Variants in IKZF2 observed in about 807,000 individuals in gnomAD.
IKZF2 encodes the protein IKAROS family zinc finger 2, also known as zinc finger protein Helios.
In IKZF2, 15 loss-of-function variants were observed where a neutral mutation model predicts 49.2. That is an observed-to-expected ratio of 0.30 (90% CI 0.20 to 0.47). The LOEUF is 0.47. IKZF2 is among the 20% of genes least tolerant of loss of function. The pLI, the probability that IKZF2 is intolerant of heterozygous loss-of-function variation, is 1.00. For missense variants in IKZF2, 567 were observed against 664.6 expected, an observed-to-expected ratio of 0.85 and a Z score of 1.61; for synonymous variants, 227 against 221.4, an observed-to-expected ratio of 1.03 and a Z score of -0.23.
intron 4 of IKZF2, among the ~76,000 whole-genome samples, chr2:213,101,724 T>G (rs1318631957): frequency 6.6e-6 from 1 of 152,186 alleles, no homozygotes; most frequent in African/African-American, 2.4e-5. Flanking sequence ...GTATTTTTAA[T>G]CAGTCTCTGT....
chr2:213,041,340 G>T (rs13411519), intron 6 of IKZF2, among the ~76,000 whole-genome samples: 7,159 of 94,880 alleles, frequency 0.075, 477 homozygotes, highest in African/African-American at 0.2. Flanking sequence ...ATCTTTTTTT[G>T]GGGGGGGTGG....
chr2:213,125,365 A>G (rs770508252), intron 4 of IKZF2, among the ~76,000 whole-genome samples: 3 of 152,188 alleles, frequency 2.0e-5, no homozygotes, highest in Non-Finnish European at 4.4e-5. Context: ...TTCTTCAGGA[A>G]CAAAAATTAA....
At chr2:213,141,811 C>G (rs1488613947) in intron 4 of IKZF2, among the ~76,000 whole-genome samples, 1 of 151,894 alleles carries the variant, frequency 6.6e-6, no homozygotes, top group Non-Finnish European at 1.5e-5. Flanking sequence ...TTTGGATTCA[C>G]CTTACAATAC....
At chr2:213,137,363 A>G (rs960331578) in intron 4 of IKZF2, among the ~76,000 whole-genome samples, 6 of 152,106 alleles carry the variant, frequency 3.9e-5, no homozygotes, top group Non-Finnish European at 8.8e-5. Flanking sequence ...ATTTCCAAAT[A>G]CTACATTCGA....
chr2:213,054,733 A>G (rs1317149511), intron 5 of IKZF2, among the ~76,000 whole-genome samples: 2 of 152,178 alleles, frequency 1.3e-5, no homozygotes, highest in African/African-American at 2.4e-5. Context: ...AAAAAAAGAT[A>G]GTGTTGCAAG....
chr2:213,122,362 T>C (rs190871554), intron 4 of IKZF2, among the ~76,000 whole-genome samples: 241 of 152,344 alleles, frequency 1.6e-3, no homozygotes, highest in Middle Eastern at 6.8e-3. Context: ...CAGTATTTCC[T>C]AAACTTGCCT....
In IKZF2 at chr2:213,053,598, CA is replaced by C. The variant is rs546454428; in HGVS notation, c.406+3234del. Among the ~76,000 whole-genome samples the C allele has an allele frequency of 3.3e-5, 5 of 152,194 alleles. No homozygotes were observed. The South Asian group carries it at 1.0e-3, about 32-fold the overall frequency. On this transcript the variant is annotated intron_variant, in intron 5 of 8. Coordinates refer to ENST00000434687, the MANE Select transcript of IKZF2 (RefSeq NM_001387220.1). ...GATGGCTGCACAAAGCTGCAATGTA[CA>C]AAATACGGTGCTGAAAACTGAGTTA...
At chr2:213,023,839 C>T (rs1308930462) in intron 6 of IKZF2, among the ~76,000 whole-genome samples, 1 of 152,136 alleles carries the variant, frequency 6.6e-6, no homozygotes, top group Non-Finnish European at 1.5e-5. Context: ...GTATTAGTCC[C>T]ATCACATTAT....
intron 6 of IKZF2, among the ~76,000 whole-genome samples, chr2:213,048,886 A>C (rs978973321): frequency 6.6e-6 from 1 of 152,028 alleles, no homozygotes; most frequent in African/African-American, 2.4e-5. Context: ...TCATATCTTC[A>C]TATTAAAATT....
At chr2:213,105,528 A>C (rs937837549) in intron 4 of IKZF2, among the ~76,000 whole-genome samples, 11 of 149,240 alleles carry the variant, frequency 7.4e-5, no homozygotes, top group Admixed American at 1.3e-4. Flanking sequence ...AAACATTCCC[A>C]AAAAGCTTGA....
At chr2:213,141,222 A>G (rs549406927) in intron 4 of IKZF2, among the ~76,000 whole-genome samples, 1 of 151,838 alleles carries the variant, frequency 6.6e-6, no homozygotes, top group Non-Finnish European at 1.5e-5. Context: ...TTTTTATCCC[A>G]CTACTGCTAG....
intron 6 of IKZF2, among the ~76,000 whole-genome samples, chr2:213,038,175 C>A (rs1336656596): frequency 3.3e-5 from 5 of 151,316 alleles, no homozygotes; most frequent in Non-Finnish European, 7.4e-5. Context: ...GTTCTCCTGC[C>A]TCAGCCTCCC....
chr2:213,050,526 T>C (rs570172053), intron 5 of IKZF2, among the ~76,000 whole-genome samples: 1 of 152,320 alleles, frequency 6.6e-6, no homozygotes, highest in East Asian at 1.9e-4. Flanking sequence ...AGTACAAGAT[T>C]TTCAAATACG....
rs1053600620 is a variant in IKZF2, at chr2:213,000,684, A to T, written c.*6676T>A. 6.1e-4 allele frequency: 29 copies of T among 47,362 alleles called. No individual in the cohort carries two copies. Among genetic ancestry groups the T allele is most frequent in the South Asian group, 2.8e-3 (3 of 1,086 alleles). The allele number at this position is 47,362 out of a possible 1,614,324, so 2.9% of individuals were successfully genotyped here. ...AAACAGGACTGCTCCAAATATTTTTAAAAAAAATTTCTCCAATAGGTGATA... is the reference window on the plus strand; with the variant it reads ...AAACAGGACTGCTCCAAATATTTTTTAAAAAAATTTCTCCAATAGGTGATA... On this transcript the variant is annotated 3_prime_UTR_variant, in exon 9 of 9. Coordinates refer to ENST00000434687, the MANE Select transcript of IKZF2 (RefSeq NM_001387220.1).
intron 4 of IKZF2, among the ~76,000 whole-genome samples, chr2:213,100,640 T>C (rs1469321875): frequency 2.0e-5 from 3 of 152,044 alleles, no homozygotes; most frequent in African/African-American, 7.2e-5. Context: ...AAATAAACTA[T>C]GAAAAACAAC....
intron 4 of IKZF2, among the ~76,000 whole-genome samples, chr2:213,118,260 T>C (rs1441599767): frequency 3.9e-5 from 6 of 152,216 alleles, no homozygotes; most frequent in African/African-American, 7.2e-5. Context: ...TGTGGTTTTA[T>C]AGGGGCTTTA....
At chr2:213,034,345 GCTGTTTGGCACAGGAGGCCTAT>G in intron 6 of IKZF2, among the ~76,000 whole-genome samples, 1 of 152,196 alleles carries the variant, frequency 6.6e-6, no homozygotes, top group Non-Finnish European at 1.5e-5. Flanking sequence ...TCACAATGTG[GCTGTTTGGCACAGGAGGCCTAT>G]CTTTTGGCAT....
At chr2:213,067,339 T>C (rs1702255160) in intron 4 of IKZF2, among the ~76,000 whole-genome samples, 1 of 151,950 alleles carries the variant, frequency 6.6e-6, no homozygotes, top group East Asian at 1.9e-4. Context: ...ATGAAGGAAA[T>C]GGCATGTAAA....
chr2:213,084,394 G>A (rs1704323524), intron 4 of IKZF2, among the ~76,000 whole-genome samples: 1 of 152,000 alleles, frequency 6.6e-6, no homozygotes, highest in African/African-American at 2.4e-5. Context: ...CACTACAAAA[G>A]ATTCTCCTAA....
Sources: gnomAD v4.1 joint callset for allele counts (sites outside exome capture counted in the v4.1 genomes callset) on GRCh38, gnomAD v4.1.1 for gene constraint, MANE v1.5 for transcripts, NCBI Gene and HGNC (gene_info 2026-07-23, HGNC 2026-07-21) for gene names.